Variants in CECR2 observed in about 807,000 individuals in gnomAD.
The protein encoded by CECR2 is chromatin remodeling regulator CECR2.
In CECR2, 30 loss-of-function variants were observed where a neutral mutation model predicts 154.5. The ratio of observed to expected loss-of-function variants is 0.19; its 90% confidence interval spans 0.15 to 0.26. The LOEUF (loss-of-function observed/expected upper bound fraction) is 0.26, where lower values mean the gene tolerates loss of function less well. Ranked by LOEUF, CECR2 falls within the 10% of genes least tolerant of loss-of-function variation. The pLI, the probability that CECR2 is intolerant of heterozygous loss-of-function variation, is 1.00. For missense variants in CECR2, 1,743 were observed against 1,829.3 expected (o/e 0.95, Z 0.86); for synonymous variants, 725 against 683.7 (o/e 1.06, Z -0.94).
At chr22:17,482,115 C>CAAAAAAAAAAAAAAAAAAAAAA (rs869050391) in intron 2 of CECR2, among the ~76,000 whole-genome samples, 1 of 76,324 alleles carries the variant, frequency 1.3e-5, no homozygotes. Context: ...ACTCTGTCTC[C>CAAAAAAAAAAAAAAAAAAAAAA]AAAAAAAAAA....
Position 17,549,314 on chromosome 22 carries a change from C to A in CECR2, c.4027C>A (p.Leu1343Met). ...SSAFPPHSVM[L>M]QTGPPYTPQR... ...TGCATTTCCACCCCACAGTGTGATG[C>A]TGCAGACGGGGCCTCCCTATACCCC... The change falls in exon 17 of 19, where the codon CTG becomes ATG. Residue 1343 changes from leucine (L) to methionine (M), a missense_variant. Coordinates refer to ENST00000262608, the MANE Select transcript of CECR2 (RefSeq NM_001290047.2). 1.2e-6 allele frequency: 2 copies of A among 1,614,008 alleles called. No homozygotes were observed. The highest frequency in any genetic ancestry group is 1.7e-6 in the Non-Finnish European group (2 of 1,179,882).
chr22:17,518,739 C>T (rs1224791627), intron 8 of CECR2: 1 of 393,248 alleles, frequency 2.5e-6, no homozygotes, highest in Non-Finnish European at 5.0e-6. Flanking sequence ...CTGCTCCCTT[C>T]TTAACACCTC....
At chr22:17,406,140 A>G (rs575464039) in intron 1 of CECR2, among the ~76,000 whole-genome samples, 1 of 152,352 alleles carries the variant, frequency 6.6e-6, no homozygotes, top group Admixed American at 6.5e-5. Context: ...GACATTTTGT[A>G]TGACTTGCAT....
At chr22:17,368,995 C>T (rs1447741821), upstream of CECR2, among the ~76,000 whole-genome samples, 1 of 152,166 alleles carries the variant, frequency 6.6e-6, no homozygotes, top group African/African-American at 2.4e-5. Context: ...CACTTCACTT[C>T]TCTAGGCTTC....
intron 2 of CECR2, among the ~76,000 whole-genome samples, chr22:17,479,767 T>C (rs891257199): frequency 1.6e-3 from 130 of 83,264 alleles, no homozygotes; most frequent in Non-Finnish European, 2.9e-3. Context: ...TGGTCTTTCT[T>C]TTTTTTTTTT....
rs2056764444 is a variant in CECR2, at chr22:17,555,626, G to A, written c.*2786G>A. On this transcript the variant is annotated 3_prime_UTR_variant, in exon 19 of 19. Coordinates refer to ENST00000262608, the MANE Select transcript of CECR2 (RefSeq NM_001290047.2). The stretch of plus-strand genomic sequence containing the variant: ...CTCTTTCCAAGTGTCTTAAGCAGAT[G>A]CAATGTCTTAAAGCAGATGCAAATG... 6.6e-6 allele frequency: 1 copy of A among 152,182 alleles called. No individual in the cohort carries two copies. The highest frequency in any genetic ancestry group is 6.5e-5 in the Admixed American group (1 of 15,274). The allele number at this position is 152,182 out of a possible 1,614,324, so 9.4% of individuals were successfully genotyped here.
At position 17,497,307 on chromosome 22, in the gene CECR2, G is replaced by A. The variant is rs527430651; in HGVS notation, c.222-96G>A. 3 of 1,280,332 alleles carry A rather than the reference G, an allele frequency of 2.3e-6. No individual in the cohort carries two copies. The Admixed American group carries it at 7.6e-5, about 32-fold the overall frequency. The allele number at this position is 1,280,332 out of a possible 1,614,324, so 79.3% of individuals were successfully genotyped here. A position where few individuals can be genotyped will look rare whatever the true frequency, so the allele number is the denominator to read the frequency against. Reference sequence around the variant, plus strand: ...CCTGTCTGTATAAAAACAAAAATCTGTTAGCTGTCAGATCATGAGTTCTCT... The same window carrying A: ...CCTGTCTGTATAAAAACAAAAATCTATTAGCTGTCAGATCATGAGTTCTCT... On this transcript the variant is annotated intron_variant, in intron 2 of 18. Transcript: ENST00000262608.
At position 17,548,638 on chromosome 22, in the gene CECR2, C is replaced by T; in HGVS notation, c.3351C>T (p.Pro1117=). ...GLTGGTVSQF[P]PLYMPGLEYP... is the part of the protein sequence containing the mutation. ...CGGGAGGCACTGTGAGCCAGTTTCC[C>T]CCGCTGTATATGCCTGGCCTAGAGT... The change falls in exon 17 of 19, where the codon CCC becomes CCT. Residue 1117 remains proline, a synonymous_variant. Transcript: ENST00000262608. 1 of 1,613,038 alleles carries T rather than the reference C, an allele frequency of 6.2e-7. No homozygotes were observed. The highest frequency in any genetic ancestry group is 8.5e-7 in the Non-Finnish European group (1 of 1,179,564).
chr22:17,495,316 C>T (rs905859349), intron 2 of CECR2, among the ~76,000 whole-genome samples: 3 of 152,148 alleles, frequency 2.0e-5, no homozygotes, highest in African/African-American at 7.2e-5. Context: ...CATCTGTAAT[C>T]CCAGCACTCT....
chr22:17,437,643 C>T (rs1294300466), intron 1 of CECR2, among the ~76,000 whole-genome samples: 2 of 151,996 alleles, frequency 1.3e-5, no homozygotes, highest in African/African-American at 4.8e-5. Flanking sequence ...GGAGTTCCTG[C>T]TTTTTTATGA....
intron 1 of CECR2, among the ~76,000 whole-genome samples, chr22:17,454,575 A>C (rs2054824161): frequency 6.7e-6 from 1 of 150,170 alleles, no homozygotes. Flanking sequence ...ACTGCACTCC[A>C]GCCTGGGCGA....
At chr22:17,490,818 ACTAT>A (rs1283312545) in intron 2 of CECR2, among the ~76,000 whole-genome samples, 1 of 151,984 alleles carries the variant, frequency 6.6e-6, no homozygotes, top group East Asian at 1.9e-4. Context: ...AACCATCACC[ACTAT>A]CTAATTGCAG....
intron 9 of CECR2, among the ~76,000 whole-genome samples, chr22:17,531,158 G>T (rs1209393159): frequency 6.6e-6 from 1 of 152,182 alleles, no homozygotes; most frequent in Non-Finnish European, 1.5e-5. Context: ...TACTTCAGCA[G>T]GGAAAACATC....
chr22:17,381,895 T>G (rs28642390), intron 1 of CECR2, among the ~76,000 whole-genome samples: 2 of 136,830 alleles, frequency 1.5e-5, no homozygotes, highest in Non-Finnish European at 3.0e-5. Context: ...TTTTTTTTTT[T>G]TGTTTTTTTT....
chr22:17,545,942 C>G (rs899987105), intron 16 of CECR2, among the ~76,000 whole-genome samples: 4 of 151,728 alleles, frequency 2.6e-5, no homozygotes, highest in African/African-American at 9.7e-5. Context: ...ATCGCAACTA[C>G]TTGGGAGTCT....
Position 17,552,932 on chromosome 22 carries a change from A to G in CECR2, c.*92A>G. The G allele has an allele frequency of 6.6e-7, 1 of 1,524,164 alleles. No homozygotes were observed. Among genetic ancestry groups the G allele is most frequent in the Non-Finnish European group, 8.8e-7 (1 of 1,138,606 alleles). 94.4% of individuals were successfully genotyped at this position (1,524,164 alleles called of 1,614,324 possible). ...GGAGTGCCCTGTCAGCTCTATTCCC[A>G]TCACCTGCTCCACCCCTTCACGGCG... On this transcript the variant is annotated 3_prime_UTR_variant, in exon 19 of 19. Coordinates refer to ENST00000262608, the MANE Select transcript of CECR2 (RefSeq NM_001290047.2).
intron 7 of CECR2, among the ~76,000 whole-genome samples, chr22:17,508,930 G>A (rs9605311): frequency 0.19 from 28,776 of 152,158 alleles, 2,939 homozygotes; most frequent in East Asian, 0.28. Context: ...ACACAATAAA[G>A]AATAGTAAGA....
intron 1 of CECR2, among the ~76,000 whole-genome samples, chr22:17,376,965 A>G (rs929377626): frequency 2.0e-5 from 3 of 152,166 alleles, no homozygotes; most frequent in African/African-American, 4.8e-5. Flanking sequence ...GGCAGCAATC[A>G]GAAAGCTGGA....
At chr22:17,409,198 T>C (rs1246169986) in intron 1 of CECR2, among the ~76,000 whole-genome samples, 2 of 149,768 alleles carry the variant, frequency 1.3e-5, no homozygotes, top group East Asian at 1.9e-4. Flanking sequence ...AGTGGCATGA[T>C]CTTGGCTCAC....
Sources: gnomAD v4.1 joint callset for allele counts (sites outside exome capture counted in the v4.1 genomes callset) on GRCh38, gnomAD v4.1.1 for gene constraint, MANE v1.5 for transcripts, NCBI Gene and HGNC (gene_info 2026-07-23, HGNC 2026-07-21) for gene names.